The following MTFR1 variants were observed in gnomAD, a reference collection of about 807,000 sequenced individuals.
The protein encoded by MTFR1 is mitochondrial fission regulator 1.
A neutral mutation model predicts 38.8 loss-of-function variants in MTFR1; 28 were observed. The ratio of observed to expected loss-of-function variants is 0.72; its 90% confidence interval spans 0.53 to 0.99. MTFR1 has a LOEUF of 0.99. Among genes scored for constraint, MTFR1 ranks in the 50% least tolerant of loss-of-function variants. The pLI is 0.00. For synonymous variants in MTFR1, 145 were observed against 137.0 expected (o/e 1.06, Z -0.41); for missense variants, 358 against 395.5 (o/e 0.91, Z 0.81).
intron 3 of MTFR1, among the ~76,000 whole-genome samples, chr8:65,685,221 T>C (rs1426480429): frequency 3.3e-5 from 5 of 152,232 alleles, no homozygotes; most frequent in African/African-American, 9.6e-5. Context: ...ATATCCAGGC[T>C]ATCTGGAGTC....
chr8:65,727,380 C>T, intron 3 of MTFR1: 2 of 1,567,772 alleles, frequency 1.3e-6, no homozygotes, highest in South Asian at 2.4e-5. Flanking sequence ...TTTGAATTAG[C>T]AGCCAATGGT....
At chr8:65,644,046 C>G (rs149152082), upstream of MTFR1, among the ~76,000 whole-genome samples, 1 of 152,140 alleles carries the variant, frequency 6.6e-6, no homozygotes, top group East Asian at 1.9e-4. Flanking sequence ...GTTTCCTACC[C>G]TACATAGGAA....
chr8:65,696,076 T>G (rs373190321), intron 4 of MTFR1, among the ~76,000 whole-genome samples: 70 of 152,248 alleles, frequency 4.6e-4, no homozygotes, highest in African/African-American at 1.6e-3. Flanking sequence ...GTCAAATACT[T>G]AGAGGCTGGG....
At chr8:65,742,117 A>T (rs773141048) in intron 3 of MTFR1, among the ~76,000 whole-genome samples, 57 of 152,264 alleles carry the variant, frequency 3.7e-4, no homozygotes, top group Non-Finnish European at 7.1e-4. Context: ...GGCACAGAAG[A>T]ACTTTTTAAA....
intron 1 of MTFR1, among the ~76,000 whole-genome samples, chr8:65,645,863 A>G (rs960581826): frequency 1.3e-5 from 2 of 152,208 alleles, no homozygotes; most frequent in Admixed American, 1.3e-4. Context: ...CCCAGACATT[A>G]TATAATTTCA....
At chr8:65,689,794 C>T (rs1021965739) in intron 3 of MTFR1, among the ~76,000 whole-genome samples, 2 of 152,120 alleles carry the variant, frequency 1.3e-5, no homozygotes, top group African/African-American at 4.8e-5. Context: ...CTCACCAACA[C>T]CTGAAACGGC....
chr8:65,751,744 G>A (rs985392525), intron 3 of MTFR1, among the ~76,000 whole-genome samples: 3 of 152,120 alleles, frequency 2.0e-5, no homozygotes, highest in Non-Finnish European at 4.4e-5. Context: ...TGCCTGCCGC[G>A]GCCTCCCAAA....
chr8:65,739,609 G>A, intron 3 of MTFR1: 2 of 1,503,352 alleles, frequency 1.3e-6, no homozygotes, highest in Non-Finnish European at 1.8e-6. Flanking sequence ...TAAAAAGAAA[G>A]AAGAGACATT....
At chr8:65,754,889 C>G (rs890223485) in intron 3 of MTFR1, among the ~76,000 whole-genome samples, 2 of 149,740 alleles carry the variant, frequency 1.3e-5, no homozygotes, top group African/African-American at 4.9e-5. Flanking sequence ...CGCCTGAACC[C>G]GGGAGGCGGA....
At chr8:65,746,189 C>A (rs75382877) in intron 3 of MTFR1, among the ~76,000 whole-genome samples, 5,948 of 151,958 alleles carry the variant, frequency 0.039, 174 homozygotes, top group Non-Finnish European at 0.06. Context: ...CCACCTTGGC[C>A]TCCGAACGTG....
intron 3 of MTFR1, chr8:65,728,256 G>T (rs1257680415): frequency 6.6e-6 from 1 of 152,090 alleles, no homozygotes; most frequent in Non-Finnish European, 1.5e-5. Flanking sequence ...TTATTATACT[G>T]AACTAACATT....
intron 5 of MTFR1, among the ~76,000 whole-genome samples, chr8:65,706,064 G>A (rs1266310411): frequency 6.6e-6 from 1 of 152,142 alleles, no homozygotes; most frequent in Non-Finnish European, 1.5e-5. Flanking sequence ...GGAGTTTAAC[G>A]TAATCCAGCA....
intron 2 of MTFR1, among the ~76,000 whole-genome samples, chr8:65,673,031 GCTAA>G (rs1470074869): frequency 6.6e-6 from 1 of 152,088 alleles, no homozygotes; most frequent in East Asian, 1.9e-4. Context: ...TCACAACTTG[GCTAA>G]CTATTTGGGC....
At chr8:65,768,408 A>C (rs555786295) in intron 3 of MTFR1, among the ~76,000 whole-genome samples, 1 of 152,136 alleles carries the variant, frequency 6.6e-6, no homozygotes, top group Non-Finnish European at 1.5e-5. Flanking sequence ...ATGATAGTGA[A>C]TAAGTCTCAG....
chr8:65,673,691 C>A (rs1804630307), intron 2 of MTFR1, among the ~76,000 whole-genome samples: 1 of 151,748 alleles, frequency 6.6e-6, no homozygotes, highest in Admixed American at 6.6e-5. Flanking sequence ...ATCACAAGGT[C>A]AGGAGTTCAA....
intron 1 of MTFR1, among the ~76,000 whole-genome samples, chr8:65,649,378 G>A (rs552632245): frequency 5.9e-5 from 9 of 152,148 alleles, no homozygotes; most frequent in East Asian, 5.8e-4. Context: ...GAGAGACAGC[G>A]TTTCACCATG....
intron 3 of MTFR1, chr8:65,723,337 C>G (rs897264745): frequency 1.1e-5 from 4 of 374,640 alleles, no homozygotes; most frequent in Non-Finnish European, 1.8e-5. Flanking sequence ...GCTGCCTGTT[C>G]TGCAAAAATA....
At position 65,667,489 on chromosome 8, in the gene MTFR1, G is replaced by A. The variant is rs567679556; in HGVS notation, c.-80-2384G>A. On this transcript the variant is annotated intron_variant, in intron 1 of 7. Coordinates refer to ENST00000262146, the MANE Select transcript of MTFR1 (RefSeq NM_014637.4). ...GTCACCCAGGCTGGAGTTCAGTGGC[G>A]TGATCTCAGCTCACTGCAACCTCTG... 7.9e-5 allele frequency among the ~76,000 whole-genome samples: 12 copies of A among 151,900 alleles called. No homozygotes were observed. In the East Asian group the frequency reaches 1.4e-3, roughly 17 times the overall value.
chr8:65,764,389 G>C (rs902656146), intron 3 of MTFR1, among the ~76,000 whole-genome samples: 1 of 152,220 alleles, frequency 6.6e-6, no homozygotes. Flanking sequence ...GTCTGAATGA[G>C]AGACTAAATT....
Sources: allele counts gnomAD v4.1 joint callset (sites outside exome capture counted in the v4.1 genomes callset), GRCh38; gene constraint gnomAD v4.1.1; transcripts MANE v1.5; gene names NCBI Gene and HGNC (gene_info 2026-07-23, HGNC 2026-07-21).